ADAM23: variants seen among roughly 807,000 people sequenced by gnomAD.
ADAM23 encodes the protein ADAM metallopeptidase domain 23, also known as disintegrin and metalloproteinase domain-containing protein 23.
ADAM23 carries 33 observed loss-of-function variants against 120.1 expected under a neutral mutation model. The ratio of observed to expected loss-of-function variants is 0.27; its 90% CI spans 0.21 to 0.37. The LOEUF (loss-of-function observed/expected upper bound fraction) is 0.37, where lower values mean the gene tolerates loss of function less well. Ranked by LOEUF, ADAM23 falls within the 10% of genes least tolerant of loss-of-function variation. The pLI is 1.00. For synonymous variants in ADAM23, 367 were observed against 375.2 expected, an observed-to-expected ratio of 0.98 and a Z score of 0.25; for missense variants, 862 against 1,058.2, an observed-to-expected ratio of 0.81 and a Z score of 2.57.
chr2:206,537,555 C>G (rs1328528464), intron 4 of ADAM23, among the ~76,000 whole-genome samples: 1 of 152,112 alleles, frequency 6.6e-6, no homozygotes, highest in Non-Finnish European at 1.5e-5. Flanking sequence ...CTTTCTGCTT[C>G]CTTTCCTTTA....
At chr2:206,501,376 C>T (rs541454699) in intron 3 of ADAM23, among the ~76,000 whole-genome samples, 1 of 151,896 alleles carries the variant, frequency 6.6e-6, no homozygotes, top group African/African-American at 2.4e-5. Context: ...CGTTTTATCC[C>T]CTGGTTTCAA....
chr2:206,555,580 A>G (rs1290102537), intron 9 of ADAM23, among the ~76,000 whole-genome samples: 1 of 152,182 alleles, frequency 6.6e-6, no homozygotes, highest in Non-Finnish European at 1.5e-5. Context: ...AGGATTGAAA[A>G]TTACAAATAT....
At chr2:206,468,693 C>T (rs1450861688) in intron 2 of ADAM23, among the ~76,000 whole-genome samples, 3 of 152,198 alleles carry the variant, frequency 2.0e-5, no homozygotes, top group African/African-American at 7.2e-5. Context: ...GCTGCTTCCA[C>T]ATTTTCAGGT....
chr2:206,579,707 G>T (rs1240445983), intron 18 of ADAM23, among the ~76,000 whole-genome samples: 2 of 152,122 alleles, frequency 1.3e-5, no homozygotes, highest in African/African-American at 2.4e-5. Flanking sequence ...CTTTGGCTAT[G>T]TGGGCTCTTT....
chr2:206,550,822 C>T (rs1353337124), intron 9 of ADAM23, among the ~76,000 whole-genome samples: 2 of 152,126 alleles, frequency 1.3e-5, no homozygotes, highest in Non-Finnish European at 2.9e-5. Context: ...AGGATGGTCT[C>T]GATCTCCTGA....
chr2:206,507,056 T>C (rs918502710), intron 3 of ADAM23, among the ~76,000 whole-genome samples: 9 of 152,232 alleles, frequency 5.9e-5, no homozygotes, highest in Admixed American at 3.3e-4. Context: ...TCACATCTAT[T>C]TAAGGACTCT....
At chr2:206,510,436 C>G (rs1696600143) in intron 3 of ADAM23, among the ~76,000 whole-genome samples, 1 of 151,968 alleles carries the variant, frequency 6.6e-6, no homozygotes, top group Non-Finnish European at 1.5e-5. Flanking sequence ...TCACTTCATT[C>G]TCACCTGTTA....
chr2:206,496,819 TATC>T (rs1696261124), intron 3 of ADAM23, among the ~76,000 whole-genome samples: 1 of 152,034 alleles, frequency 6.6e-6, no homozygotes, highest in Non-Finnish European at 1.5e-5. Context: ...ACAAAGGGGA[TATC>T]ACCACCGATC....
intron 18 of ADAM23, among the ~76,000 whole-genome samples, chr2:206,582,654 G>C (rs1698241775): frequency 6.6e-6 from 1 of 152,144 alleles, no homozygotes; most frequent in Admixed American, 6.5e-5. Flanking sequence ...TATAGATCCT[G>C]TGTGATTTAT....
rs917033429 is a variant in ADAM23, at chr2:206,528,525, C to A, written c.510-2360C>A. Among the ~76,000 whole-genome samples, 5 of 152,176 alleles carry A rather than the reference C, an allele frequency of 3.3e-5. No individual in the cohort carries two copies. The South Asian group carries it at 1.0e-3, about 31-fold the overall frequency. On this transcript the variant is annotated intron_variant, in intron 3 of 25. Coordinates refer to ENST00000264377, the MANE Select transcript of ADAM23 (RefSeq NM_003812.4). ...GTTGGAAAGGTTGTCCTTCATCACA[C>A]ACAGGACATACGCAGGACATACCCA...
chr2:206,533,847 A>G (rs1262614593), intron 4 of ADAM23, among the ~76,000 whole-genome samples: 1 of 152,234 alleles, frequency 6.6e-6, no homozygotes, highest in Non-Finnish European at 1.5e-5. Context: ...AGAAGCGTGT[A>G]ATATGAATGC....
intron 25 of ADAM23, among the ~76,000 whole-genome samples, chr2:206,613,322 G>A (rs1698872002): frequency 6.6e-6 from 1 of 152,180 alleles, no homozygotes; most frequent in Non-Finnish European, 1.5e-5. Flanking sequence ...GCCTCCCAAA[G>A]TGTTGGGATT....
chr2:206,597,144 G>A (rs180887265), intron 24 of ADAM23, among the ~76,000 whole-genome samples: 1 of 149,370 alleles, frequency 6.7e-6, no homozygotes, highest in Non-Finnish European at 1.5e-5. Flanking sequence ...GGGATTATAG[G>A]TGTGAACCAC....
rs1023278555 is a variant in ADAM23 at position 206,547,545 on chromosome 2, A to T, written c.793+44A>T. 2.0e-6 allele frequency: 3 copies of T among 1,517,066 alleles called. No homozygotes were observed. In the Admixed American group the frequency reaches 5.2e-5, roughly 26 times the overall value. The allele number at this position is 1,517,066 out of a possible 1,614,324, so 94.0% of individuals were successfully genotyped here. ...TAGCGATTATATTTTATGTAGTATG[A>T]GCTTTTATCTGGTGGAGCTCAGTAG... On this transcript the variant is annotated intron_variant, in intron 7 of 25. Coordinates refer to ENST00000264377, the MANE Select transcript of ADAM23 (RefSeq NM_003812.4).
intron 6 of ADAM23, among the ~76,000 whole-genome samples, chr2:206,546,386 TAAGTC>T (rs924654972): frequency 5.9e-5 from 9 of 152,330 alleles, no homozygotes; most frequent in Non-Finnish European, 8.8e-5. Context: ...TGCTTTGCGA[TAAGTC>T]AAGTAATACG....
At chr2:206,586,027 G>T (rs564807892) in intron 18 of ADAM23, among the ~76,000 whole-genome samples, 2 of 152,184 alleles carry the variant, frequency 1.3e-5, no homozygotes, top group Non-Finnish European at 2.9e-5. Flanking sequence ...GAGGGAATGA[G>T]CCATGCCGAA....
intron 5 of ADAM23, among the ~76,000 whole-genome samples, chr2:206,542,694 C>T (rs1375855845): frequency 6.6e-6 from 1 of 152,120 alleles, no homozygotes; most frequent in African/African-American, 2.4e-5. Flanking sequence ...ACTTTTCGCC[C>T]TTTTATAAAA....
At chr2:206,491,610 C>T (rs1386670061) in intron 3 of ADAM23, among the ~76,000 whole-genome samples, 1 of 152,084 alleles carries the variant, frequency 6.6e-6, no homozygotes, top group Non-Finnish European at 1.5e-5. Flanking sequence ...TATAAAAATT[C>T]CAGCAGAAGT....
intron 2 of ADAM23, among the ~76,000 whole-genome samples, chr2:206,446,245 A>C (rs919358796): frequency 2.6e-5 from 4 of 152,226 alleles, no homozygotes; most frequent in African/African-American, 9.6e-5. Flanking sequence ...CAAATGTTTA[A>C]TATCCAAAGA....
Sources: gnomAD v4.1 joint callset for allele counts (sites outside exome capture counted in the v4.1 genomes callset) on GRCh38, gnomAD v4.1.1 for gene constraint, MANE v1.5 for transcripts, NCBI Gene and HGNC (gene_info 2026-07-23, HGNC 2026-07-21) for gene names.